KSR2: variants seen among roughly 807,000 people sequenced by gnomAD.
KSR2 encodes kinase suppressor of ras 2.
Under a neutral mutation model 107.8 loss-of-function variants are expected in KSR2, and 25 were observed. The ratio of observed to expected loss-of-function variants is 0.23; its 90% CI spans 0.17 to 0.32. The LOEUF is 0.32. Among genes scored for constraint, KSR2 ranks in the 10% least tolerant of loss-of-function variants. The probability of loss-of-function intolerance (pLI) is 1.00; values close to 1 mark genes in which losing one functional copy is unlikely to be tolerated. For missense variants in KSR2, 887 were observed against 1,268.9 expected (o/e 0.70, Z 4.57); for synonymous variants, 480 against 507.0 (o/e 0.95, Z 0.71).
chr12:117,568,985 CA>C (rs1402258897), intron 7 of KSR2, among the ~76,000 whole-genome samples: 16 of 152,134 alleles, frequency 1.1e-4, no homozygotes, highest in Admixed American at 1.0e-3. Flanking sequence ...GCCTGTTGTA[CA>C]AACTCCCAAA....
At chr12:117,794,392 CTCACACCA>C (rs1187515040) in intron 3 of KSR2, among the ~76,000 whole-genome samples, 2 of 43,702 alleles carry the variant, frequency 4.6e-5, no homozygotes, top group African/African-American at 1.9e-4. Flanking sequence ...AACATGCACA[CTCACACCA>C]ACATGCACAC....
At chr12:117,883,590 A>G (rs1894089996) in intron 1 of KSR2, among the ~76,000 whole-genome samples, 1 of 152,228 alleles carries the variant, frequency 6.6e-6, no homozygotes, top group South Asian at 2.1e-4. Context: ...GGGATCAGGC[A>G]GCCAGGCACA....
At chr12:117,724,496 A>G (rs1038744339) in intron 4 of KSR2, among the ~76,000 whole-genome samples, 1 of 152,098 alleles carries the variant, frequency 6.6e-6, no homozygotes, top group Non-Finnish European at 1.5e-5. Context: ...TTTGTTCTGA[A>G]GAGTCATGAG....
At chr12:117,955,354 G>A (rs1896481446) in intron 1 of KSR2, among the ~76,000 whole-genome samples, 1 of 152,040 alleles carries the variant, frequency 6.6e-6, no homozygotes, top group Non-Finnish European at 1.5e-5. Flanking sequence ...TCAAACTCCT[G>A]AGTTCAAGCA....
intron 14 of KSR2, among the ~76,000 whole-genome samples, chr12:117,486,283 C>G (rs940132904): frequency 1.3e-5 from 2 of 152,252 alleles, no homozygotes; most frequent in East Asian, 1.9e-4. Flanking sequence ...TTTCGAGGAC[C>G]AGTAGTTTAA....
intron 4 of KSR2, among the ~76,000 whole-genome samples, chr12:117,711,302 T>C (rs1886768534): frequency 6.6e-6 from 1 of 152,002 alleles, no homozygotes; most frequent in South Asian, 2.1e-4. Context: ...GAAACTGAGA[T>C]CAGAAGGATC....
At chr12:117,735,546 A>G (rs1887905458) in intron 4 of KSR2, among the ~76,000 whole-genome samples, 1 of 152,194 alleles carries the variant, frequency 6.6e-6, no homozygotes, top group Non-Finnish European at 1.5e-5. Flanking sequence ...CCTGAGACTA[A>G]TTCTAATGCT....
chr12:117,923,566 G>A (rs188204720), intron 1 of KSR2, among the ~76,000 whole-genome samples: 104 of 152,304 alleles, frequency 6.8e-4, no homozygotes, highest in Non-Finnish European at 1.2e-3. Context: ...TCAGGAGGCT[G>A]AGGTGGGAGG....
chr12:117,591,660 T>C (rs1240136153), intron 5 of KSR2, among the ~76,000 whole-genome samples: 1 of 151,390 alleles, frequency 6.6e-6, no homozygotes, highest in Non-Finnish European at 1.5e-5. Flanking sequence ...ACAGGAAAGT[T>C]GTCACCATCA....
chr12:117,512,234 T>TCAACAC (rs1453778283), intron 14 of KSR2, among the ~76,000 whole-genome samples: 1 of 152,152 alleles, frequency 6.6e-6, no homozygotes, highest in Non-Finnish European at 1.5e-5. Context: ...ATTTGTCCTT[T>TCAACAC]CAACACCAGC....
intron 3 of KSR2, among the ~76,000 whole-genome samples, chr12:117,768,035 C>T (rs1230400131): frequency 6.6e-6 from 1 of 152,088 alleles, no homozygotes; most frequent in Non-Finnish European, 1.5e-5. Flanking sequence ...CACCACACCA[C>T]ACAGCTGCTT....
intron 3 of KSR2, among the ~76,000 whole-genome samples, chr12:117,784,442 CT>C (rs1889991972): frequency 6.6e-6 from 1 of 152,222 alleles, no homozygotes; most frequent in Non-Finnish European, 1.5e-5. Flanking sequence ...CATTAAACCT[CT>C]TTCCTTTATA....
intron 1 of KSR2, among the ~76,000 whole-genome samples, chr12:117,963,720 T>C (rs1159565714): frequency 1.3e-5 from 2 of 152,212 alleles, no homozygotes; most frequent in African/African-American, 2.4e-5. Flanking sequence ...CTCTAATCTT[T>C]AGTTGGATCC....
intron 1 of KSR2, among the ~76,000 whole-genome samples, chr12:117,939,191 G>A (rs1895932167): frequency 6.6e-6 from 1 of 152,180 alleles, no homozygotes; most frequent in Non-Finnish European, 1.5e-5. Context: ...TTGAGGAATT[G>A]TTGGTATGAC....
At chr12:117,819,817 A>G (rs1381090251) in intron 3 of KSR2, among the ~76,000 whole-genome samples, 6 of 152,186 alleles carry the variant, frequency 3.9e-5, no homozygotes, top group Non-Finnish European at 7.3e-5. Flanking sequence ...ATTAAGCGTG[A>G]TATTTTCAAA....
intron 4 of KSR2, among the ~76,000 whole-genome samples, chr12:117,707,350 A>T (rs777256936): frequency 2.0e-5 from 3 of 152,052 alleles, no homozygotes; most frequent in African/African-American, 4.8e-5. Context: ...CTTTGTTAAT[A>T]TACGAAAAAA....
At chr12:117,746,988 T>A (rs1337418691) in intron 4 of KSR2, among the ~76,000 whole-genome samples, 1 of 151,916 alleles carries the variant, frequency 6.6e-6, no homozygotes, top group South Asian at 2.1e-4. Flanking sequence ...TTGGTGGGAG[T>A]GTAAATTAGT....
intron 4 of KSR2, among the ~76,000 whole-genome samples, chr12:117,727,775 G>A (rs1887493747): frequency 1.3e-5 from 2 of 152,158 alleles, no homozygotes; most frequent in South Asian, 2.1e-4. Flanking sequence ...AAGTCACCAC[G>A]TTTGTGATAC....
chr12:117,536,758 G>A (rs1379670548), intron 10 of KSR2, among the ~76,000 whole-genome samples: 1 of 152,200 alleles, frequency 6.6e-6, no homozygotes, highest in Non-Finnish European at 1.5e-5. Flanking sequence ...ATATATGTGT[G>A]TATTCAACCA....
Sources: allele counts gnomAD v4.1 joint callset (sites outside exome capture counted in the v4.1 genomes callset), GRCh38; gene constraint gnomAD v4.1.1; transcripts MANE v1.5; gene names NCBI Gene and HGNC (gene_info 2026-07-23, HGNC 2026-07-21).